Variants in MICU1 observed in about 807,000 individuals in gnomAD.
The protein encoded by MICU1 is mitochondrial calcium uptake 1.
A neutral mutation model predicts 56.8 loss-of-function variants in MICU1; 45 were observed. That is an observed-to-expected ratio of 0.79 (90% confidence interval 0.62 to 1.02). The LOEUF (loss-of-function observed/expected upper bound fraction) is 1.02. Ranked by LOEUF, MICU1 falls within the 50% of genes least tolerant of loss-of-function variation. MICU1 has a pLI of 0.00. For synonymous variants in MICU1, 186 were observed against 195.1 expected (o/e 0.95, Z 0.39); for missense variants, 504 against 587.1 (o/e 0.86, Z 1.46).
At chr10:72,574,168 T>C (rs149370496) in intron 1 of MICU1, among the ~76,000 whole-genome samples, 1 of 152,104 alleles carries the variant, frequency 6.6e-6, no homozygotes, top group Non-Finnish European at 1.5e-5. Flanking sequence ...ACCTGCTAAC[T>C]CTGTGGCCAA....
chr10:72,540,474 G>A (rs1247205002), intron 4 of MICU1, among the ~76,000 whole-genome samples: 6 of 151,770 alleles, frequency 4.0e-5, no homozygotes, highest in Admixed American at 2.0e-4. Flanking sequence ...AAGAGTTTGA[G>A]AGCAACCTGG....
At chr10:72,567,660 G>C (rs1840475061) in intron 1 of MICU1, among the ~76,000 whole-genome samples, 1 of 152,196 alleles carries the variant, frequency 6.6e-6, no homozygotes, top group African/African-American at 2.4e-5. Flanking sequence ...CGCGATGCCA[G>C]GGGAAGCCAC....
chr10:72,475,290 C>A lies in MICU1; in HGVS notation c.743G>T (p.Ser248Ile). 3 of 1,601,266 alleles carry A rather than the reference C, an allele frequency of 1.9e-6. No homozygotes were observed. The highest frequency in any genetic ancestry group is 2.6e-6 in the Non-Finnish European group (3 of 1,173,216). Reference sequence around the variant, plus strand: ...CATACTGGTTTGGGAGCGAATGATGCTCTGAACCTAATACAGAATCAAACC... The same window carrying A: ...CATACTGGTTTGGGAGCGAATGATGATCTGAACCTAATACAGAATCAAACC... ...VDMEEFEQVQ[S>I]IIRSQTSMGM... Residue 248 changes from serine (S) to isoleucine (I), a missense_variant, in exon 8 of 12, where the codon AGC (serine) becomes ATC (isoleucine). By Grantham distance (142) the Ser-to-Ile change is moderately radical (BLOSUM62 -2). Coordinates refer to ENST00000361114, the MANE Select transcript of MICU1 (RefSeq NM_001195518.2).
chr10:72,548,634 T>C lies in MICU1; in HGVS notation c.493+2545A>G, dbSNP rs535008832. ...GTTGAAGCTAAGTGATGTAAACATA[T>C]GGGTTGATTATATTTTCTACTTTTC... On this transcript the variant is annotated intron_variant, in intron 4 of 11. Coordinates refer to ENST00000361114, the MANE Select transcript of MICU1 (RefSeq NM_001195518.2). Among the ~76,000 whole-genome samples the C allele has an allele frequency of 7.2e-5, 11 of 152,344 alleles. No individual in the cohort carries two copies. In the South Asian group the frequency reaches 2.3e-3, roughly 32 times the overall value.
At chr10:72,448,728 G>A (rs999922895) in intron 8 of MICU1, among the ~76,000 whole-genome samples, 1 of 151,844 alleles carries the variant, frequency 6.6e-6, no homozygotes, top group African/African-American at 2.4e-5. Context: ...GGGCCACACT[G>A]TATCACTGTC....
chr10:72,432,501 G>C (rs1273519619), intron 8 of MICU1, among the ~76,000 whole-genome samples: 1 of 152,110 alleles, frequency 6.6e-6, no homozygotes, highest in Non-Finnish European at 1.5e-5. Flanking sequence ...AATTCATAAA[G>C]AAAAGAGGTT....
chr10:72,622,307 T>C lies in MICU1; in HGVS notation c.-2+3703A>G, dbSNP rs117440580. The stretch of plus-strand genomic sequence containing the variant: ...TTGTTTTTGCCTGTCCAGCAACCAA[T>C]TGCTCTTCTCCAGAAAGCATCACCT... On this transcript the variant is annotated intron_variant, in intron 1 of 11. Coordinates refer to ENST00000361114, the MANE Select transcript of MICU1 (RefSeq NM_001195518.2). 3.7e-4 allele frequency among the ~76,000 whole-genome samples: 56 copies of C among 152,168 alleles called. No homozygotes were observed. In the East Asian group the frequency reaches 8.9e-3, roughly 24 times the overall value.
At chr10:72,482,789 G>T (rs904801912) in intron 6 of MICU1, among the ~76,000 whole-genome samples, 3 of 150,092 alleles carry the variant, frequency 2.0e-5, no homozygotes, top group African/African-American at 4.9e-5. Flanking sequence ...TCGTCTGGGG[G>T]GTACTTTAAA....
intron 6 of MICU1, among the ~76,000 whole-genome samples, chr10:72,486,545 T>C (rs114112725): frequency 0.045 from 6,789 of 152,254 alleles, 500 homozygotes; most frequent in African/African-American, 0.15. Flanking sequence ...AATCATGGCT[T>C]ACTGAAACTT....
chr10:72,563,140 TAGCAGAGCAACAGCA>T, intron 2 of MICU1, 77 bp from the exon 3 acceptor site: 1 of 1,109,764 alleles, frequency 9.0e-7, no homozygotes, highest in Non-Finnish European at 1.2e-6. Flanking sequence ...AGATACAGCT[TAGCAGAGCAACAGCA>T]ATGAAATTTG....
intron 10 of MICU1, among the ~76,000 whole-genome samples, chr10:72,383,434 G>A (rs753304933): frequency 6.6e-6 from 1 of 151,976 alleles, no homozygotes; most frequent in Admixed American, 6.6e-5. Flanking sequence ...TGTACTCTTC[G>A]CTTCTTCCCT....
At chr10:72,419,555 G>C (rs1864088357) in intron 9 of MICU1, among the ~76,000 whole-genome samples, 6 of 152,308 alleles carry the variant, frequency 3.9e-5, no homozygotes, top group Admixed American at 3.9e-4. Context: ...AAAAAGTCTG[G>C]CTGATAAGAA....
intron 1 of MICU1, among the ~76,000 whole-genome samples, chr10:72,603,702 G>C (rs961547869): frequency 1.3e-5 from 2 of 152,106 alleles, no homozygotes; most frequent in Non-Finnish European, 2.9e-5. Context: ...TACTCGGGAG[G>C]CTGAGGCAGA....
At chr10:72,583,516 G>A (rs530002436) in intron 1 of MICU1, among the ~76,000 whole-genome samples, 18 of 152,152 alleles carry the variant, frequency 1.2e-4, no homozygotes, top group African/African-American at 3.4e-4. Flanking sequence ...CCTGACCTCA[G>A]GTGATCCCCC....
intron 1 of MICU1, among the ~76,000 whole-genome samples, chr10:72,605,833 T>A (rs1841672527): frequency 1.3e-5 from 2 of 152,142 alleles, no homozygotes; most frequent in African/African-American, 4.8e-5. Context: ...ATAATTTAAG[T>A]AATATAATTT....
At chr10:72,501,710 C>A (rs950728465) in intron 6 of MICU1, 2 of 152,086 alleles carry the variant, frequency 1.3e-5, no homozygotes, top group Non-Finnish European at 2.9e-5. Flanking sequence ...GGTGTTTAAA[C>A]GTGTAGGTTG....
At chr10:72,613,632 AACT>A (rs780262183) in intron 1 of MICU1, among the ~76,000 whole-genome samples, 5 of 152,040 alleles carry the variant, frequency 3.3e-5, no homozygotes, top group Admixed American at 6.6e-5. Context: ...TCTCCTACAT[AACT>A]ACATTATCAA....
chr10:72,569,233 A>ATTTTTTTTTTTTTTTTTTT (rs1231227018), intron 1 of MICU1, among the ~76,000 whole-genome samples: 1 of 40,334 alleles, frequency 2.5e-5, no homozygotes, highest in African/African-American at 9.0e-5. Flanking sequence ...ATATATATAT[A>ATTTTTTTTTTTTTTTTTTT]TATATTTTTT....
At chr10:72,602,616 A>G (rs1743741972) in intron 1 of MICU1, among the ~76,000 whole-genome samples, 2 of 152,236 alleles carry the variant, frequency 1.3e-5, no homozygotes, top group Admixed American at 1.3e-4. Flanking sequence ...CAAGCTCTTC[A>G]AAGACTGAGA....
Sources: gnomAD v4.1 joint callset for allele counts (sites outside exome capture counted in the v4.1 genomes callset) on GRCh38, gnomAD v4.1.1 for gene constraint, MANE v1.5 for transcripts, NCBI Gene and HGNC (gene_info 2026-07-23, HGNC 2026-07-21) for gene names.